The following MYO3B variants were observed in gnomAD, a reference collection of about 807,000 sequenced individuals.
The protein encoded by MYO3B is myosin-IIIb.
Under a neutral mutation model 174.6 loss-of-function variants are expected in MYO3B, and 156 were observed. That is an observed-to-expected ratio of 0.89 (90% CI 0.78 to 1.02). The LOEUF is 1.02. Among genes scored for constraint, MYO3B ranks in the 50% least tolerant of loss-of-function variants. The probability of loss-of-function intolerance (pLI) is 0.00; values close to 1 mark genes in which losing one functional copy is unlikely to be tolerated. For missense variants in MYO3B, 1,632 were observed against 1,639.4 expected (o/e 1.00, Z 0.08); for synonymous variants, 563 against 569.1 (o/e 0.99, Z 0.15).
At chr2:170,469,825 G>A (rs551385646) in intron 25 of MYO3B, among the ~76,000 whole-genome samples, 1 of 152,032 alleles carries the variant, frequency 6.6e-6, no homozygotes, top group Admixed American at 6.6e-5. Context: ...CAATTCAGCC[G>A]GGCACGGTGG....
intron 25 of MYO3B, among the ~76,000 whole-genome samples, chr2:170,497,947 G>GAAAA (rs55963352): frequency 2.3e-5 from 2 of 87,872 alleles, no homozygotes; most frequent in African/African-American, 7.6e-5. Flanking sequence ...TTCTGCCTCA[G>GAAAA]AAAAAAAAAA....
chr2:170,417,591 T>G (rs2094589061), intron 22 of MYO3B, among the ~76,000 whole-genome samples: 1 of 152,166 alleles, frequency 6.6e-6, no homozygotes, highest in African/African-American at 2.4e-5. Context: ...AAGTCAGGGT[T>G]GGTTCCTTCT....
chr2:170,217,455 T>A, intron 6 of MYO3B, 60 bp downstream of exon 6: 3 of 1,389,610 alleles, frequency 2.2e-6, no homozygotes, highest in Non-Finnish European at 3.1e-6. Context: ...TACTATGCCT[T>A]TTTATGGGTA....
chr2:170,365,921 AG>A (rs2094194817), intron 8 of MYO3B, among the ~76,000 whole-genome samples: 1 of 152,200 alleles, frequency 6.6e-6, no homozygotes, highest in Non-Finnish European at 1.5e-5. Context: ...CTTGTCTGTG[AG>A]GAACATCTGA....
chr2:170,349,579 A>C (rs1279107419), intron 8 of MYO3B: 2 of 151,932 alleles, frequency 1.3e-5, no homozygotes, highest in Non-Finnish European at 2.9e-5. Context: ...TGGGTGGATC[A>C]CTTGAGGTCA....
chr2:170,652,711 A>G (rs923146568), intron 34 of MYO3B, among the ~76,000 whole-genome samples: 2 of 152,208 alleles, frequency 1.3e-5, no homozygotes, highest in African/African-American at 2.4e-5. Context: ...ACAGAGTTCA[A>G]TCCCATAAAG....
At chr2:170,486,913 T>C (rs1216632256) in intron 25 of MYO3B, among the ~76,000 whole-genome samples, 2 of 152,222 alleles carry the variant, frequency 1.3e-5, no homozygotes, top group Non-Finnish European at 2.9e-5. Context: ...GAACAAATCA[T>C]TTCCCTTCTC....
At chr2:170,440,660 T>C (rs1268157594) in intron 22 of MYO3B, among the ~76,000 whole-genome samples, 3 of 149,016 alleles carry the variant, frequency 2.0e-5, no homozygotes, top group Non-Finnish European at 4.5e-5. Flanking sequence ...GGCTGAGGCA[T>C]GAGAATCACT....
At chr2:170,468,826 C>A (rs377304256) in intron 25 of MYO3B, among the ~76,000 whole-genome samples, 1 of 152,130 alleles carries the variant, frequency 6.6e-6, no homozygotes, top group South Asian at 2.1e-4. Context: ...AAACACATAA[C>A]TGCATGTATT....
intron 7 of MYO3B, among the ~76,000 whole-genome samples, chr2:170,246,827 C>T (rs2093195815): frequency 6.6e-6 from 1 of 152,056 alleles, no homozygotes; most frequent in Non-Finnish European, 1.5e-5. Context: ...TCCTGGAGGT[C>T]TGCCTAGGGC....
chr2:170,397,254 C>T (rs2094446810), intron 16 of MYO3B, among the ~76,000 whole-genome samples: 1 of 152,158 alleles, frequency 6.6e-6, no homozygotes, highest in African/African-American at 2.4e-5. Context: ...ATCAGGTATC[C>T]AGCAGATGTC....
intron 29 of MYO3B, among the ~76,000 whole-genome samples, chr2:170,516,855 A>G (rs1218631299): frequency 6.6e-6 from 1 of 152,138 alleles, no homozygotes; most frequent in African/African-American, 2.4e-5. Context: ...GAATATTTCT[A>G]CTATTTAAGT....
chr2:170,457,956 G>T (rs904654605), intron 23 of MYO3B, among the ~76,000 whole-genome samples: 1 of 152,084 alleles, frequency 6.6e-6, no homozygotes, highest in South Asian at 2.1e-4. Context: ...GTTTCACTTC[G>T]TTGGCCAGGC....
intron 32 of MYO3B, among the ~76,000 whole-genome samples, chr2:170,559,453 G>A (rs1346184183): frequency 6.6e-6 from 1 of 152,070 alleles, no homozygotes; most frequent in African/African-American, 2.4e-5. Context: ...TCCTAATTAG[G>A]CCAAAAGATC....
At chr2:170,327,901 T>G (rs1012942273) in intron 7 of MYO3B, among the ~76,000 whole-genome samples, 1 of 139,136 alleles carries the variant, frequency 7.2e-6, no homozygotes, top group Non-Finnish European at 1.6e-5. Context: ...ATATATATAA[T>G]GTATAAATAT....
intron 32 of MYO3B, among the ~76,000 whole-genome samples, chr2:170,582,651 T>G (rs1029568938): frequency 2.0e-5 from 3 of 152,136 alleles, no homozygotes; most frequent in African/African-American, 7.2e-5. Flanking sequence ...TCTACTTCTT[T>G]CTTCCTCTCT....
Position 170,428,512 on chromosome 2 carries a change from C to T in MYO3B, c.2651-15455C>T, listed in dbSNP as rs181037869. Among the ~76,000 whole-genome samples, 758 of 152,270 alleles carry T rather than the reference C, an allele frequency of 5.0e-3. 6 individuals are homozygous for T. The highest frequency in any genetic ancestry group is 0.014 in the Middle Eastern group (4 of 294). On this transcript the variant is annotated intron_variant, in intron 22 of 34. Transcript: ENST00000408978. ...AACTTGCATCTAGTTATTGCACTTA[C>T]GTGTTTCCTTGTTGTTCAGCGTGTT...
At chr2:170,634,674 G>A (rs1697312460) in intron 32 of MYO3B, among the ~76,000 whole-genome samples, 1 of 152,204 alleles carries the variant, frequency 6.6e-6, no homozygotes, top group Non-Finnish European at 1.5e-5. Flanking sequence ...CCATCAGAGT[G>A]AACAGGCAAC....
intron 7 of MYO3B, among the ~76,000 whole-genome samples, chr2:170,264,801 CTT>C (rs928320630): frequency 2.6e-5 from 4 of 152,072 alleles, no homozygotes; most frequent in African/African-American, 9.7e-5. Context: ...ATTTGAGAGA[CTT>C]TGGGTGATGG....
Sources: allele counts gnomAD v4.1 joint callset (sites outside exome capture counted in the v4.1 genomes callset), GRCh38; gene constraint gnomAD v4.1.1; transcripts MANE v1.5; gene names NCBI Gene and HGNC (gene_info 2026-07-23, HGNC 2026-07-21).